Variants in ZFC3H1 observed in about 807,000 individuals in gnomAD.
The protein encoded by ZFC3H1 is zinc finger C3H1 domain-containing protein.
Under a neutral mutation model 243.7 loss-of-function variants are expected in ZFC3H1, and 71 were observed. The observed-to-expected ratio is 0.29, with a 90% CI of 0.24 to 0.36. The LOEUF is 0.36. Ranked by LOEUF, ZFC3H1 falls within the 10% of genes least tolerant of loss-of-function variation. ZFC3H1 has a pLI of 1.00. For missense variants in ZFC3H1, 1,966 were observed against 2,317.1 expected, an observed-to-expected ratio of 0.85 and a Z score of 3.11; for synonymous variants, 838 against 813.0, an observed-to-expected ratio of 1.03 and a Z score of -0.52.
rs774021819 is a variant in ZFC3H1 at position 71,630,968 on chromosome 12, A to C, written c.3471-14T>G. On this transcript the variant is annotated splice_polypyrimidine_tract_variant and intron_variant, in intron 16 of 34. Coordinates refer to ENST00000378743, the MANE Select transcript of ZFC3H1 (RefSeq NM_144982.5). ...TATGGACTAAATCTAAGGTGAAGAG[A>C]GTGAACAGGTATATTATGCCCAACA... 6.3e-7 allele frequency: 1 copy of C among 1,595,006 alleles called. No homozygotes were observed. Among genetic ancestry groups the C allele is most frequent in the Admixed American group, 1.7e-5 (1 of 58,920 alleles).
At chr12:71,619,265 G>A (rs764526227) in intron 27 of ZFC3H1, 50 bp downstream of exon 27, 2 of 1,536,334 alleles carry the variant, frequency 1.3e-6, no homozygotes. Flanking sequence ...TCTTTCTACT[G>A]AACTGTGCTC....
chr12:71,656,928 T>G lies in ZFC3H1; in HGVS notation c.972A>C (p.Ala324=), dbSNP rs773735196. 1.2e-6 allele frequency: 2 copies of G among 1,613,536 alleles called. No homozygotes were observed. Among genetic ancestry groups the G allele is most frequent in the South Asian group, 2.2e-5 (2 of 90,994 alleles). The change falls in exon 2 of 35, where the codon GCA becomes GCC. Residue 324 remains alanine, a synonymous_variant. Transcript: ENST00000378743. ...KNRLKKVKDG[A]KPLSLKSDTT... ...TGTCGGATTTCAGGGAAAGTGGTTTTGCTCCATCTTTAACTTTTTTCAAAC... is the reference window on the plus strand; with the variant it reads ...TGTCGGATTTCAGGGAAAGTGGTTTGGCTCCATCTTTAACTTTTTTCAAAC...
chr12:71,650,595 G>T (rs1469767626), intron 2 of ZFC3H1, among the ~76,000 whole-genome samples: 1 of 151,992 alleles, frequency 6.6e-6, no homozygotes, highest in African/African-American at 2.4e-5. Flanking sequence ...AGGACATGAC[G>T]AATTAAGAAA....
rs781634971 is a variant in ZFC3H1 at position 71,663,511 on chromosome 12, T to C, written c.100A>G (p.Ser34Gly). The C allele has an allele frequency of 7.4e-6, 12 of 1,613,498 alleles. No individual in the cohort carries two copies. Among genetic ancestry groups the C allele is most frequent in the Non-Finnish European group, 8.5e-7 (1 of 1,180,024 alleles). Residue 34 changes from serine to glycine, a missense_variant, in exon 1 of 35, where the codon AGC (serine) becomes GGC (glycine). Coordinates refer to ENST00000378743, the MANE Select transcript of ZFC3H1 (RefSeq NM_144982.5). ...CTGCTGCTCCGACTCCGTATCTGGC[T>C]GTTATTATCGTCGTCACTGATTTCC... ...DGEISDDDNN[S>G]QIRSRSSSSS...
chr12:71,635,894 A>G (rs1880446542), intron 9 of ZFC3H1, among the ~76,000 whole-genome samples: 1 of 152,212 alleles, frequency 6.6e-6, no homozygotes, highest in Non-Finnish European at 1.5e-5. Context: ...TTAATTTTAC[A>G]TAATAATTAT....
chr12:71,618,463 G>A (rs1565804090), intron 27 of ZFC3H1, among the ~76,000 whole-genome samples: 1 of 151,980 alleles, frequency 6.6e-6, no homozygotes, highest in Non-Finnish European at 1.5e-5. Flanking sequence ...AGTATGTTGT[G>A]ATAAAATATT....
At chr12:71,621,380 T>C (rs551327588) in intron 24 of ZFC3H1, among the ~76,000 whole-genome samples, 45 of 151,896 alleles carry the variant, frequency 3.0e-4, no homozygotes, top group African/African-American at 1.1e-3. Flanking sequence ...CTCGGCTCAC[T>C]GCAACCTCTG....
At chr12:71,649,837 T>C (rs960679790) in intron 2 of ZFC3H1, among the ~76,000 whole-genome samples, 2 of 152,196 alleles carry the variant, frequency 1.3e-5, no homozygotes, top group African/African-American at 4.8e-5. Context: ...TAACGTAGCA[T>C]AGAGGCAAGT....
At chr12:71,639,401 AT>A in intron 6 of ZFC3H1, 1 of 239,028 alleles carries the variant, frequency 4.2e-6, no homozygotes, top group South Asian at 5.3e-5. Flanking sequence ...CATTTGTGTT[AT>A]TAGGTGGCAG....
At chr12:71,652,820 C>T (rs1880922943) in intron 2 of ZFC3H1, among the ~76,000 whole-genome samples, 1 of 152,148 alleles carries the variant, frequency 6.6e-6, no homozygotes, top group African/African-American at 2.4e-5. Context: ...TCACTTAGGT[C>T]TGCAACCAAA....
chr12:71,611,117 A>AT lies in ZFC3H1; in HGVS notation c.5730-21_5730-20insA. On this transcript the variant is annotated intron_variant, in intron 32 of 34. Coordinates refer to ENST00000378743, the MANE Select transcript of ZFC3H1 (RefSeq NM_144982.5). The stretch of plus-strand genomic sequence containing the variant: ...ATGGCTCTAAGAGAAAAAAAAAAAA[A>AT]AAGAAATATAGAAAAAGGAAAAGAA... The AT allele has an allele frequency of 6.5e-7, 1 of 1,541,066 alleles. No individual in the cohort carries two copies. Among genetic ancestry groups the AT allele is most frequent in the Non-Finnish European group, 8.7e-7 (1 of 1,150,864 alleles).
At chr12:71,651,015 C>A (rs529221625) in intron 2 of ZFC3H1, among the ~76,000 whole-genome samples, 1 of 152,306 alleles carries the variant, frequency 6.6e-6, no homozygotes, top group South Asian at 2.1e-4. Flanking sequence ...GTATTATGGT[C>A]ATTTCTCTAG....
At chr12:71,627,126 TA>T (rs35254500) in intron 21 of ZFC3H1, among the ~76,000 whole-genome samples, 87,987 of 147,438 alleles carry the variant, frequency 0.6, 28,338 homozygotes, top group Middle Eastern at 0.75. Context: ...AAGAAACGTG[TA>T]AAAAAAAAAA....
At chr12:71,629,123 G>T in intron 19 of ZFC3H1, 86 bp from the exon 20 acceptor site, 7 of 1,112,434 alleles carry the variant, frequency 6.3e-6, no homozygotes, top group South Asian at 1.7e-5. Context: ...TATTTGAGAA[G>T]AACTACATTC....
intron 26 of ZFC3H1, among the ~76,000 whole-genome samples, chr12:71,619,717 C>T (rs1879977765): frequency 6.6e-6 from 1 of 152,082 alleles, no homozygotes; most frequent in African/African-American, 2.4e-5. Flanking sequence ...TAAACATGTT[C>T]CTTGCCTTCA....
chr12:71,614,627 A>C lies in ZFC3H1; in HGVS notation c.5434T>G (p.Leu1812Val). The C allele has an allele frequency of 6.2e-7, 1 of 1,613,542 alleles. No individual in the cohort carries two copies. Among genetic ancestry groups the C allele is most frequent in the East Asian group, 2.2e-5 (1 of 44,850 alleles). Residue 1812 changes from leucine (L) to valine (V), a missense_variant, in exon 30 of 35, where the codon TTA becomes GTA. Leu to Val is a conservative substitution (Grantham distance 32, BLOSUM62 1). Transcript: ENST00000378743. The stretch of plus-strand genomic sequence containing the variant: ...ACTGTAACCAAACATCTATTCACTA[A>C]ATCAGTAAAAAATTTGAATTCTTGA... ...KVQEFKFFTDLVNRCLVTVPA... is the reference protein window; with the variant it reads ...KVQEFKFFTDVVNRCLVTVPA...
intron 31 of ZFC3H1, 53 bp downstream of exon 31, chr12:71,613,281 TA>T: frequency 7.8e-7 from 1 of 1,288,544 alleles, no homozygotes; most frequent in South Asian, 1.4e-5. Context: ...TAATCTTATA[TA>T]AAGAGCCTAT....
At chr12:71,615,838 C>T (rs1440281447) in intron 27 of ZFC3H1, among the ~76,000 whole-genome samples, 1 of 151,966 alleles carries the variant, frequency 6.6e-6, no homozygotes, top group Non-Finnish European at 1.5e-5. Flanking sequence ...TATTTTATAC[C>T]TATATGAAAA....
chr12:71,653,168 G>C (rs889959620), intron 2 of ZFC3H1, among the ~76,000 whole-genome samples: 2 of 152,090 alleles, frequency 1.3e-5, no homozygotes, highest in African/African-American at 4.8e-5. Context: ...AATATAAGCA[G>C]GGAGAAGAAA....
Sources: allele counts gnomAD v4.1 joint callset (sites outside exome capture counted in the v4.1 genomes callset), GRCh38; gene constraint gnomAD v4.1.1; transcripts MANE v1.5; gene names NCBI Gene and HGNC (gene_info 2026-07-23, HGNC 2026-07-21).